SULT1C3: variants seen among roughly 807,000 people sequenced by gnomAD.
SULT1C3 encodes the protein sulfotransferase 1C3.
SULT1C3 carries 31 observed loss-of-function variants against 28.4 expected under a neutral mutation model. The ratio of observed to expected loss-of-function variants is 1.09; its 90% CI spans 0.82 to 1.47. The LOEUF (loss-of-function observed/expected upper bound fraction) is 1.47. SULT1C3 is among the 40% of genes most tolerant of loss of function. The pLI, the probability that SULT1C3 is intolerant of heterozygous loss-of-function variation, is 0.00. For missense variants in SULT1C3, 307 were observed against 272.5 expected, an observed-to-expected ratio of 1.13 and a Z score of -0.89; for synonymous variants, 106 against 92.2, an observed-to-expected ratio of 1.15 and a Z score of -0.86.
chr2:108,254,171 G>T (rs1425657798), intron 4 of SULT1C3, among the ~76,000 whole-genome samples: 1 of 151,896 alleles, frequency 6.6e-6, no homozygotes, highest in Admixed American at 6.6e-5. Flanking sequence ...TCCTCTATAT[G>T]ACTTCCATGC....
At chr2:108,240,874 T>C (rs1285105187) in intron 1 of SULT1C3, among the ~76,000 whole-genome samples, 1 of 152,246 alleles carries the variant, frequency 6.6e-6, no homozygotes, top group African/African-American at 2.4e-5. Flanking sequence ...TATAGTCTTA[T>C]ACTTGGCCTG....
chr2:108,252,645 T>C, intron 3 of SULT1C3, 152 bp downstream of exon 3: 1 of 909,528 alleles, frequency 1.1e-6, no homozygotes, highest in East Asian at 2.7e-5. Context: ...AACTCTAGAT[T>C]GGGTCTTCAG....
chr2:108,254,771 A>T (rs1249282686), intron 4 of SULT1C3, among the ~76,000 whole-genome samples: 1 of 150,038 alleles, frequency 6.7e-6, no homozygotes, highest in Non-Finnish European at 1.5e-5. Flanking sequence ...ATATGTATGT[A>T]TGCATATATA....
intron 2 of SULT1C3, among the ~76,000 whole-genome samples, chr2:108,247,777 C>T (rs1465593701): frequency 6.6e-6 from 1 of 152,152 alleles, no homozygotes; most frequent in Non-Finnish European, 1.5e-5. Context: ...TCCTCTAAAG[C>T]TCTTGGAGGA....
intron 4 of SULT1C3, 132 bp downstream of exon 4, chr2:108,253,574 C>T (rs903137942): frequency 2.1e-5 from 9 of 420,572 alleles, no homozygotes; most frequent in Non-Finnish European, 3.7e-5. Context: ...TTAGATGAAG[C>T]ACTTAAAATC....
intron 2 of SULT1C3, 22 bp from the exon 3 acceptor site, chr2:108,252,343 G>T (rs528555438): frequency 5.7e-6 from 9 of 1,584,214 alleles, no homozygotes; most frequent in African/African-American, 4.1e-5. Flanking sequence ...TAAAATTAAA[G>T]AACTATTTCA....
At chr2:108,243,081 AC>A (rs931292930) in intron 1 of SULT1C3, among the ~76,000 whole-genome samples, 3 of 152,346 alleles carry the variant, frequency 2.0e-5, no homozygotes, top group African/African-American at 7.2e-5. Flanking sequence ...TACAGGTGAA[AC>A]CAATGAGCCT....
At chr2:108,262,946 T>G (rs923785747), downstream of SULT1C3, among the ~76,000 whole-genome samples, 1 of 152,214 alleles carries the variant, frequency 6.6e-6, no homozygotes, top group African/African-American at 2.4e-5. Context: ...CTTATCTACC[T>G]TCTAAGCTGT....
chr2:108,263,458 TATC>T (rs1358961304), downstream of SULT1C3, among the ~76,000 whole-genome samples: 4 of 152,220 alleles, frequency 2.6e-5, no homozygotes, highest in African/African-American at 7.2e-5. Flanking sequence ...GCATAATTCT[TATC>T]ATGCTAGTAT....
chr2:108,255,078 A>G (rs939434556), intron 4 of SULT1C3, among the ~76,000 whole-genome samples: 1 of 151,814 alleles, frequency 6.6e-6, no homozygotes, highest in Non-Finnish European at 1.5e-5. Context: ...CCTAACTCTA[A>G]TCCTAATAGG....
intron 1 of SULT1C3, among the ~76,000 whole-genome samples, chr2:108,246,233 C>G (rs1415343725): frequency 1.3e-5 from 2 of 152,214 alleles, no homozygotes; most frequent in Non-Finnish European, 2.9e-5. Context: ...GTTCCAATCT[C>G]TGCCTGTTAC....
chr2:108,248,622 A>G (rs1675651606), intron 2 of SULT1C3, among the ~76,000 whole-genome samples: 1 of 152,114 alleles, frequency 6.6e-6, no homozygotes, highest in Non-Finnish European at 1.5e-5. Context: ...CTGCACTTCC[A>G]TAGAGCCTAT....
At chr2:108,253,275 T>C in intron 3 of SULT1C3, 70 bp from the exon 4 acceptor site, 1 of 993,818 alleles carries the variant, frequency 1.0e-6, no homozygotes, top group Non-Finnish European at 1.4e-6. Flanking sequence ...CAGACAAAGA[T>C]ATAAATGGAA....
At chr2:108,240,851 G>A (rs1255143449) in intron 1 of SULT1C3, among the ~76,000 whole-genome samples, 4 of 152,184 alleles carry the variant, frequency 2.6e-5, no homozygotes. Context: ...TGTGTGCTGT[G>A]GGTAGAATAC....
intron 1 of SULT1C3, among the ~76,000 whole-genome samples, chr2:108,245,655 C>T (rs11123687): frequency 0.26 from 39,531 of 151,890 alleles, 6,326 homozygotes; most frequent in South Asian, 0.39. Context: ...GGACCCTGGG[C>T]CTAGTCCACA....
chr2:108,247,139 A>G (rs191836126), intron 1 of SULT1C3, 49 bp from the exon 2 acceptor site: 127 of 1,358,950 alleles, frequency 9.3e-5, no homozygotes, highest in Admixed American at 1.9e-4. Flanking sequence ...ATGAACCATA[A>G]AACAACATTT....
downstream of SULT1C3, among the ~76,000 whole-genome samples, chr2:108,263,836 G>A (rs1443687953): frequency 6.6e-6 from 1 of 152,146 alleles, no homozygotes; most frequent in East Asian, 1.9e-4. Flanking sequence ...AATCTGCTTT[G>A]CTTTAATTCA....
chr2:108,242,716 T>G (rs182469310), intron 1 of SULT1C3, among the ~76,000 whole-genome samples: 1 of 152,184 alleles, frequency 6.6e-6, no homozygotes, highest in Non-Finnish European at 1.5e-5. Flanking sequence ...AACTATCTAC[T>G]TTTAATTTTG....
At chr2:108,258,214 C>G (rs1471043028) in intron 5 of SULT1C3, among the ~76,000 whole-genome samples, 1 of 152,068 alleles carries the variant, frequency 6.6e-6, no homozygotes, top group Non-Finnish European at 1.5e-5. Context: ...TGCTGGCTAA[C>G]TCAGGTGTCC....
Sources: gnomAD v4.1 joint callset for allele counts (sites outside exome capture counted in the v4.1 genomes callset) on GRCh38, gnomAD v4.1.1 for gene constraint, MANE v1.5 for transcripts, NCBI Gene and HGNC (gene_info 2026-07-23, HGNC 2026-07-21) for gene names.